The following PPP1R9A variants were observed in gnomAD, a reference collection of about 807,000 sequenced individuals.
PPP1R9A encodes neurabin-1.
PPP1R9A carries 59 observed loss-of-function variants against 141.9 expected under a neutral mutation model. The observed-to-expected ratio is 0.42, with a 90% confidence interval of 0.34 to 0.52. The LOEUF (loss-of-function observed/expected upper bound fraction) is 0.52. PPP1R9A is among the 20% of genes least tolerant of loss of function. The pLI, the probability that PPP1R9A is intolerant of heterozygous loss-of-function variation, is 0.10. For synonymous variants in PPP1R9A, 500 were observed against 569.7 expected, an observed-to-expected ratio of 0.88 and a Z score of 1.74; for missense variants, 1,444 against 1,611.9, an observed-to-expected ratio of 0.90 and a Z score of 1.78.
At chr7:94,986,458 G>A (rs1397273009) in intron 2 of PPP1R9A, among the ~76,000 whole-genome samples, 1 of 152,152 alleles carries the variant, frequency 6.6e-6, no homozygotes, top group African/African-American at 2.4e-5. Context: ...TAGAGGTAGA[G>A]AGTAGAATTG....
rs1309812945 is a variant in PPP1R9A, at chr7:95,295,759, A to C, written c.*5456A>C. ...AAGAACAATTGGCAAGAAATAATTAAATTACCTTAAAAAGAATTAAGAGGC... is the reference window on the plus strand; with the variant it reads ...AAGAACAATTGGCAAGAAATAATTACATTACCTTAAAAAGAATTAAGAGGC... On this transcript the variant is annotated 3_prime_UTR_variant, in exon 20 of 20. Coordinates refer to ENST00000433360, the MANE Select transcript of PPP1R9A (RefSeq NM_001166160.2). 1 of 152,312 alleles carries C rather than the reference A, an allele frequency of 6.6e-6. No individual in the cohort carries two copies. Among genetic ancestry groups the C allele is most frequent in the Non-Finnish European group, 1.5e-5 (1 of 68,038 alleles). The allele number at this position is 152,312 out of a possible 1,614,324, so 9.4% of individuals were successfully genotyped here.
At chr7:94,917,511 A>C (rs190433805) in intron 2 of PPP1R9A, among the ~76,000 whole-genome samples, 60 of 151,818 alleles carry the variant, frequency 4.0e-4, no homozygotes, top group Middle Eastern at 3.5e-3. Flanking sequence ...GGCACAAGTA[A>C]TTCTCCTGCC....
intron 2 of PPP1R9A, among the ~76,000 whole-genome samples, chr7:95,040,601 G>A (rs1389287178): frequency 6.6e-6 from 1 of 152,022 alleles, no homozygotes; most frequent in Non-Finnish European, 1.5e-5. Flanking sequence ...CTTGAAATTT[G>A]TATCTTCTCC....
At chr7:94,940,609 C>CA (rs1486783741) in intron 2 of PPP1R9A, among the ~76,000 whole-genome samples, 23 of 151,984 alleles carry the variant, frequency 1.5e-4, no homozygotes, top group Non-Finnish European at 3.4e-4. Context: ...CTCTGTTAGC[C>CA]TCTAGAGTTC....
chr7:94,934,951 T>G (rs965604555), intron 2 of PPP1R9A, among the ~76,000 whole-genome samples: 20 of 152,108 alleles, frequency 1.3e-4, no homozygotes, highest in Admixed American at 1.3e-4. Context: ...TTCAAACTCC[T>G]GGGCTCAAGT....
In PPP1R9A at chr7:95,119,144, T is replaced by A. The variant is rs995605955; in HGVS notation, c.1529-1568T>A. On this transcript the variant is annotated intron_variant, in intron 3 of 19. Transcript: ENST00000433360. ...TGTTGATTAGTTAGTATTTTTATGC[T>A]GCTAGTAAAGCATGATTACAAAGAC... Among the ~76,000 whole-genome samples, 3 of 152,226 alleles carry A rather than the reference T, an allele frequency of 2.0e-5. 1 individual carries two copies. The highest frequency in any genetic ancestry group is 1.5e-5 in the Non-Finnish European group (1 of 68,032).
rs1563530274 is a variant in PPP1R9A at position 95,268,574 on chromosome 7, C to T, written c.2690C>T (p.Thr897Ile). ...GACTTGAATGAAGCAGTCCCAGAGA[C>T]AGAGCGCCTGGATTCAAAAGCACTG... The part of the protein sequence containing the change: ...SQDLNEAVPE[T>I]ERLDSKALKT... Residue 897 changes from threonine to isoleucine, a missense_variant, in exon 13 of 20, where the codon ACA becomes ATA. This residue lies in a region of PPP1R9A where 488 missense variants were observed against 542.0 expected (regional missense o/e 0.90). Transcript: ENST00000433360. The T allele has an allele frequency of 1.2e-6, 2 of 1,613,334 alleles. No individual in the cohort carries two copies. The highest frequency in any genetic ancestry group is 8.5e-7 in the Non-Finnish European group (1 of 1,179,472).
intron 16 of PPP1R9A, among the ~76,000 whole-genome samples, chr7:95,279,814 A>T (rs1357175216): frequency 6.6e-6 from 1 of 152,174 alleles, no homozygotes; most frequent in East Asian, 1.9e-4. Context: ...TATTCATACA[A>T]ATTTTCTTAA....
At chr7:95,273,877 T>C (rs767265079) in intron 14 of PPP1R9A, 22 bp from the exon 15 acceptor site, 4 of 1,464,308 alleles carry the variant, frequency 2.7e-6, no homozygotes, top group Admixed American at 1.9e-5. Flanking sequence ...ATTGATCTTT[T>C]TCACAAATGT....
intron 2 of PPP1R9A, among the ~76,000 whole-genome samples, chr7:94,914,097 A>G (rs1791772769): frequency 6.6e-6 from 1 of 152,182 alleles, no homozygotes; most frequent in Non-Finnish European, 1.5e-5. Flanking sequence ...GCAATTCCTA[A>G]CCTCAGTCTT....
chr7:95,061,587 C>G (rs145552324), intron 2 of PPP1R9A, among the ~76,000 whole-genome samples: 24 of 152,048 alleles, frequency 1.6e-4, no homozygotes, highest in African/African-American at 5.8e-4. Context: ...AATACAGAAA[C>G]TAGTCAGATG....
At chr7:95,257,555 G>A (rs1799771653) in intron 12 of PPP1R9A, among the ~76,000 whole-genome samples, 1 of 151,546 alleles carries the variant, frequency 6.6e-6, no homozygotes, top group Non-Finnish European at 1.5e-5. Context: ...TAGGGTACAT[G>A]TGCACAATGT....
At position 95,208,572 on chromosome 7, in the gene PPP1R9A, A is replaced by T. The variant is rs964512770; in HGVS notation, c.1956+4842A>T. On this transcript the variant is annotated intron_variant, in intron 7 of 19. Transcript: ENST00000433360. Reference sequence around the variant, plus strand: ...ATCCCGTCTTTACTAAAAATGCAAAAAATTAGCCGGGCATGGTGGTGGGTG... The same window carrying T: ...ATCCCGTCTTTACTAAAAATGCAAATAATTAGCCGGGCATGGTGGTGGGTG... Among the ~76,000 whole-genome samples the T allele has an allele frequency of 2.0e-5, 3 of 151,796 alleles. No individual in the cohort carries two copies. The East Asian group carries it at 5.8e-4, about 30-fold the overall frequency.
intron 2 of PPP1R9A, among the ~76,000 whole-genome samples, chr7:94,935,628 C>A (rs1007691372): frequency 3.3e-5 from 5 of 152,090 alleles, no homozygotes; most frequent in African/African-American, 1.2e-4. Flanking sequence ...CAGAATTATT[C>A]TTTTGAATTG....
intron 3 of PPP1R9A, among the ~76,000 whole-genome samples, chr7:95,112,482 C>T (rs951112119): frequency 6.6e-6 from 1 of 152,112 alleles, no homozygotes; most frequent in African/African-American, 2.4e-5. Context: ...TCAGTACAAT[C>T]TCTGGAAAAC....
chr7:94,996,412 A>G (rs1438280237), intron 2 of PPP1R9A, among the ~76,000 whole-genome samples: 1 of 152,216 alleles, frequency 6.6e-6, no homozygotes. Context: ...TCATGTATGT[A>G]TCTGACAAAA....
At chr7:95,076,084 A>T (rs1449835948) in intron 2 of PPP1R9A, among the ~76,000 whole-genome samples, 3 of 152,134 alleles carry the variant, frequency 2.0e-5, no homozygotes, top group Admixed American at 6.5e-5. Context: ...TTTATTTTTC[A>T]TACAGATCGG....
chr7:95,126,855 CGTCACA>C (rs1823643953), intron 4 of PPP1R9A, among the ~76,000 whole-genome samples: 1 of 152,076 alleles, frequency 6.6e-6, no homozygotes, highest in South Asian at 2.1e-4. Context: ...AAATTTTTCC[CGTCACA>C]GTAACCATTT....
chr7:95,086,170 TTGTTAACATCTTA>T (rs2152313746), intron 2 of PPP1R9A, among the ~76,000 whole-genome samples: 1 of 152,110 alleles, frequency 6.6e-6, no homozygotes, highest in South Asian at 2.1e-4. Context: ...GTTTCCTCAA[TTGTTAACATCTTA>T]TGTTAGAATA....
Sources: gnomAD v4.1 joint callset for allele counts (sites outside exome capture counted in the v4.1 genomes callset) on GRCh38, gnomAD v4.1.1 for gene constraint, gnomAD v4.1.1 regional missense constraint, MANE v1.5 for transcripts, NCBI Gene and HGNC (gene_info 2026-07-23, HGNC 2026-07-21) for gene names.